HAPLN4: variants seen among roughly 807,000 people sequenced by gnomAD.
HAPLN4 encodes brain link protein 2.
In HAPLN4, 19 loss-of-function variants were observed where a neutral mutation model predicts 28.0. That is an observed-to-expected ratio of 0.68 (90% CI 0.47 to 1.00). The LOEUF (loss-of-function observed/expected upper bound fraction) is 1.00, where lower values mean the gene tolerates loss of function less well. HAPLN4 is among the 50% of genes least tolerant of loss of function. The pLI is 0.00. For missense variants in HAPLN4, 587 were observed against 602.6 expected, an observed-to-expected ratio of 0.97 and a Z score of 0.27; for synonymous variants, 274 against 273.0, an observed-to-expected ratio of 1.00 and a Z score of -0.03.
chr19:19,257,952 G>A lies in HAPLN4; in HGVS notation c.1074C>T (p.Leu358=), dbSNP rs10425902. 2.1e-3 allele frequency: 3,144 copies of A among 1,514,726 alleles called. 66 individuals carry two copies. In the African/African-American group the frequency reaches 0.039, roughly 19 times the overall value. 93.8% of individuals were successfully genotyped at this position (1,514,726 alleles called of 1,614,324 possible). A position where few individuals can be genotyped will look rare whatever the true frequency, so the allele number is the denominator to read the frequency against. Residue 358 remains leucine (L), a synonymous_variant, in exon 5 of 5, where the codon CTC becomes CTT. Coordinates refer to ENST00000291481, the MANE Select transcript of HAPLN4 (RefSeq NM_023002.3). Reference sequence around the variant, plus strand: ...GAGCGCGGTAGCAGTAGACGCCGAAGAGCCGTCGGGTGGCGTCCGGGAAGC... The same window carrying A: ...GAGCGCGGTAGCAGTAGACGCCGAAAAGCCGTCGGGTGGCGTCCGGGAAGC... ...SLGFPDATRR[L]FGVYCYRAPG... is the part of the protein sequence containing the mutation.
chr19:19,259,822 CCAAT>C (rs1379866442), intron 3 of HAPLN4, among the ~76,000 whole-genome samples: 2 of 152,146 alleles, frequency 1.3e-5, no homozygotes, highest in African/African-American at 2.4e-5. Context: ...CTGGAAAAGG[CCAAT>C]CAAATGGGAG....
intron 3 of HAPLN4, among the ~76,000 whole-genome samples, chr19:19,260,075 C>A (rs2146570458): frequency 6.6e-6 from 1 of 152,286 alleles, no homozygotes; most frequent in South Asian, 2.1e-4. Flanking sequence ...GAAAGCCTAC[C>A]TGGGAAGCAG....
chr19:19,261,403 C>A, intron 2 of HAPLN4, 43 bp downstream of exon 2: 2 of 1,554,418 alleles, frequency 1.3e-6, no homozygotes, highest in Non-Finnish European at 1.8e-6. Flanking sequence ...TTGGCCACTT[C>A]TGCTTTTCGC....
In HAPLN4 at chr19:19,260,948, C is replaced by T. The variant is rs749208655; in HGVS notation, c.349G>A (p.Glu117Lys). The T allele has an allele frequency of 2.5e-6, 4 of 1,613,884 alleles. No homozygotes were observed. Among genetic ancestry groups the T allele is most frequent in the Non-Finnish European group, 3.4e-6 (4 of 1,180,010 alleles). The change falls in exon 3 of 5, where the codon GAG (glutamate) becomes AAG (lysine). Residue 117 changes from glutamate (E) to lysine (K), a missense_variant. By Grantham distance (56) the Glu-to-Lys change is moderately conservative. Transcript: ENST00000291481. ...RAFGSYRGRA[E>K]LQGDGPGDAS... Reference sequence around the variant, plus strand: ...TCCCCAGGCCCGTCGCCCTGCAGCTCAGCCCGCCCACGGTAGCTGCCGAAT... The same window carrying T: ...TCCCCAGGCCCGTCGCCCTGCAGCTTAGCCCGCCCACGGTAGCTGCCGAAT...
Position 19,256,588 on chromosome 19 carries a change from G to A in HAPLN4, c.*1229C>T, listed in dbSNP as rs533333259. The A allele has an allele frequency of 5.2e-5, 8 of 152,754 alleles. No homozygotes were observed. Among genetic ancestry groups the A allele is most frequent in the Admixed American group, 4.6e-4 (7 of 15,304 alleles). 9.5% of individuals were successfully genotyped at this position (152,754 alleles called of 1,614,324 possible). ...TTGGTCACCATGGCAACAGTGGTGG[G>A]GTCCAAACCGCCTGGGGGTGGAGCA... is the stretch of plus-strand genomic sequence containing the variant. On this transcript the variant is annotated 3_prime_UTR_variant, in exon 5 of 5. Coordinates refer to ENST00000291481, the MANE Select transcript of HAPLN4 (RefSeq NM_023002.3).
rs1270031397 is a variant in HAPLN4, at chr19:19,262,765, AC to A, written c.-34del. 1 of 1,606,932 alleles carries A rather than the reference AC, an allele frequency of 6.2e-7. No individual in the cohort carries two copies. Among genetic ancestry groups the A allele is most frequent in the East Asian group, 2.2e-5 (1 of 44,752 alleles). ...GCGCGGCCCCCGCCGAGCGGCCCCT[AC>A]GCACCCGGACTGCGCTCCCCGCACA... On this transcript the variant is annotated 5_prime_UTR_variant, in exon 1 of 5. Coordinates refer to ENST00000291481, the MANE Select transcript of HAPLN4 (RefSeq NM_023002.3).
At chr19:19,261,352 G>C in intron 2 of HAPLN4, 94 bp downstream of exon 2, 1 of 1,301,280 alleles carries the variant, frequency 7.7e-7, no homozygotes, top group Non-Finnish European at 1.1e-6. Context: ...TGGGGGAACC[G>C]CGGACGTCAG....
chr19:19,261,072 G>A lies in HAPLN4; in HGVS notation c.225C>T (p.Ala75=), dbSNP rs1260389767. The change falls in exon 3 of 5, where the codon GCC becomes GCT. Residue 75 remains alanine, a synonymous_variant. Coordinates refer to ENST00000291481, the MANE Select transcript of HAPLN4 (RefSeq NM_023002.3). ...VLPCRYHYEA[A]AHGHDGVRLK... ...GCCGGACGCCGTCGTGACCGTGGGC[G>A]GCTGCCTCATAGTGGTAGCGGCAGG... is the stretch of plus-strand genomic sequence containing the variant. 1 of 1,612,924 alleles carries A rather than the reference G, an allele frequency of 6.2e-7. No homozygotes were observed. The highest frequency in any genetic ancestry group is 8.5e-7 in the Non-Finnish European group (1 of 1,179,998).
At chr19:19,259,546 T>C (rs903385417) in intron 3 of HAPLN4, among the ~76,000 whole-genome samples, 5 of 152,118 alleles carry the variant, frequency 3.3e-5, no homozygotes, top group Non-Finnish European at 5.9e-5. Flanking sequence ...GACTGGGGAT[T>C]GAATCCTGTC....
chr19:19,256,398 C>A lies in HAPLN4; in HGVS notation c.*1419G>T, dbSNP rs1031238978. ...AGTAGGGTAGCCCTAGTAGGAGGCA[C>A]CCAGGACTTCTGGCCCACAATGAGA... On this transcript the variant is annotated 3_prime_UTR_variant, in exon 5 of 5. Coordinates refer to ENST00000291481, the MANE Select transcript of HAPLN4 (RefSeq NM_023002.3). 1.3e-5 allele frequency: 2 copies of A among 152,582 alleles called. No homozygotes were observed. Among genetic ancestry groups the A allele is most frequent in the African/African-American group, 4.8e-5 (2 of 41,426 alleles). 9.5% of individuals were successfully genotyped at this position (152,582 alleles called of 1,614,324 possible).
At chr19:19,260,762 GCC>G (rs1450503322) in intron 3 of HAPLN4, 49 bp downstream of exon 3, 3 of 1,569,840 alleles carry the variant, frequency 1.9e-6, no homozygotes, top group Non-Finnish European at 2.6e-6. Context: ...TGCCATCCCC[GCC>G]CCCCTCCTTC....
intron 3 of HAPLN4, among the ~76,000 whole-genome samples, chr19:19,260,282 T>C (rs1422093522): frequency 1.3e-5 from 2 of 152,178 alleles, no homozygotes; most frequent in African/African-American, 4.8e-5. Flanking sequence ...AGTGGCACGA[T>C]CTCCACTCAC....
In HAPLN4 at chr19:19,261,551, C is replaced by T. The variant is rs2060983628; in HGVS notation, c.16G>A (p.Ala6Thr). 2.6e-6 allele frequency: 4 copies of T among 1,546,794 alleles called. No homozygotes were observed. The South Asian group carries it at 4.8e-5, about 19-fold the overall frequency. Residue 6 changes from alanine to threonine, a missense_variant, in exon 2 of 5, where the codon GCG (alanine) becomes ACG (threonine). Physicochemically the swap from Ala to Thr is moderately conservative, Grantham distance 58 (BLOSUM62 0). Transcript: ENST00000291481. The part of the protein sequence containing the change: MVCAR[A>T]ALGPGALWAA... ...CAGAGCGCGCCGGGACCGAGGGCCG[C>T]CCGAGCGCACACCTGGGGGGCGGGC...
rs773287878 is a variant in HAPLN4 at position 19,261,494 on chromosome 19, C to CTG, written c.71_72dup (p.Ala25GlnfsTer24). 6.2e-7 allele frequency: 1 copy of CTG among 1,612,016 alleles called. No homozygotes were observed. Among genetic ancestry groups the CTG allele is most frequent in the South Asian group, 1.1e-5 (1 of 91,058 alleles). On this transcript the variant is annotated frameshift_variant, in exon 2 of 5. Transcript: ENST00000291481. LOFTEE classifies it high-confidence loss of function. ...CGGCCACGCTGCGCCCCCGCAGGGG[C>CTG]TGTGAGCAGCAGGACGCCCCAGGCC... is the stretch of plus-strand genomic sequence containing the variant.
At chr19:19,262,452 G>C (rs1263516616) in intron 1 of HAPLN4, among the ~76,000 whole-genome samples, 1 of 151,830 alleles carries the variant, frequency 6.6e-6, no homozygotes, top group African/African-American at 2.4e-5. Flanking sequence ...CAGAGGCAGA[G>C]AGACTCAGAG....
intron 1 of HAPLN4, 91 bp downstream of exon 1, chr19:19,262,639 T>C (rs2060987964): frequency 7.0e-7 from 1 of 1,424,654 alleles, no homozygotes; most frequent in Non-Finnish European, 9.8e-7. Flanking sequence ...CAGAAGAAAC[T>C]CAGAGGGATA....
rs1165430101 is a variant in HAPLN4, at chr19:19,261,184, A to G, written c.122-9T>C. On this transcript the variant is annotated splice_polypyrimidine_tract_variant and intron_variant, in intron 2 of 4. Transcript: ENST00000291481. ...CGAGCCCGACTCACCCTCTGAGGAC[A>G]ACCAAGCAGGGTTCAGAGGAGGGGC... 6.3e-7 allele frequency: 1 copy of G among 1,586,974 alleles called. No individual in the cohort carries two copies. The highest frequency in any genetic ancestry group is 8.6e-7 in the Non-Finnish European group (1 of 1,163,522).
In HAPLN4 at chr19:19,258,447, A is replaced by G. The variant is rs753157757; in HGVS notation, c.817+76T>C. 4.8e-6 allele frequency: 7 copies of G among 1,449,280 alleles called. No individual in the cohort carries two copies. Among genetic ancestry groups the G allele is most frequent in the Non-Finnish European group, 6.7e-6 (7 of 1,049,074 alleles). 89.8% of individuals were successfully genotyped at this position (1,449,280 alleles called of 1,614,324 possible). On this transcript the variant is annotated intron_variant, in intron 4 of 4. Transcript: ENST00000291481. This position sits in a 1 kb window ranked among gnomAD's most constrained non-coding sequence, Gnocchi z 6.2. The stretch of plus-strand genomic sequence containing the variant: ...GGGTCTCCTGTTTCTGATCGCTAAG[A>G]GCTGGGTGGGGAAGAAGGCCCCGGG...
rs556756907 is a variant in HAPLN4, at chr19:19,258,788, C to G, written c.552G>C (p.Ala184=). The change falls in exon 4 of 5, where the codon GCG becomes GCC. Residue 184 remains alanine (A), a synonymous_variant. Coordinates refer to ENST00000291481, the MANE Select transcript of HAPLN4 (RefSeq NM_023002.3). The surrounding 1 kb of genome is among the most constrained non-coding windows in gnomAD (Gnocchi z 6.2). ...YKLTFAEAQR[A]CAEQDGILAS... ...CCAGGATGCCGTCCTGCTCGGCGCACGCGCGCTGCGCCTCCGCGAAGGTCA... is the reference window on the plus strand; with the variant it reads ...CCAGGATGCCGTCCTGCTCGGCGCAGGCGCGCTGCGCCTCCGCGAAGGTCA... 3.8e-6 allele frequency: 6 copies of G among 1,598,126 alleles called. No individual in the cohort carries two copies. The African/African-American group carries it at 6.7e-5, about 18-fold the overall frequency.
Sources: allele counts gnomAD v4.1 joint callset (sites outside exome capture counted in the v4.1 genomes callset), GRCh38; gene constraint gnomAD v4.1.1; non-coding constraint Gnocchi (gnomAD v3.1); transcripts MANE v1.5; gene names NCBI Gene and HGNC (gene_info 2026-07-23, HGNC 2026-07-21).